NRG1: variants seen among roughly 807,000 people sequenced by gnomAD.
NRG1 encodes the protein pro-neuregulin-1, membrane-bound isoform.
A neutral mutation model predicts 63.8 loss-of-function variants in NRG1; 18 were observed. The ratio of observed to expected loss-of-function variants is 0.28; its 90% CI spans 0.19 to 0.42. The LOEUF is 0.42. Ranked by LOEUF, NRG1 falls within the 10% of genes least tolerant of loss-of-function variation. The probability of loss-of-function intolerance (pLI) is 1.00; values close to 1 mark genes in which losing one functional copy is unlikely to be tolerated. For synonymous variants in NRG1, 302 were observed against 301.3 expected (o/e 1.00, Z -0.02); for missense variants, 762 against 814.7 (o/e 0.94, Z 0.79).
chr8:32,173,403 C>T (rs1055561140), intron 1 of NRG1, among the ~76,000 whole-genome samples: 2 of 152,146 alleles, frequency 1.3e-5, no homozygotes, highest in South Asian at 2.1e-4. Flanking sequence ...ATTGTAAAGA[C>T]CATCAAAGCT....
intron 1 of NRG1, among the ~76,000 whole-genome samples, chr8:32,138,355 G>A (rs1411101255): frequency 1.3e-5 from 2 of 151,790 alleles, no homozygotes; most frequent in East Asian, 3.9e-4. Context: ...CTCAGCATGG[G>A]GTCCTTCAAG....
chr8:32,377,873 G>A (rs970023078), intron 1 of NRG1, among the ~76,000 whole-genome samples: 1 of 152,102 alleles, frequency 6.6e-6, no homozygotes, highest in African/African-American at 2.4e-5. Flanking sequence ...ATTTGTGACT[G>A]GTTTTGATCA....
intron 1 of NRG1, among the ~76,000 whole-genome samples, chr8:31,933,575 C>A (rs1835043350): frequency 6.6e-6 from 1 of 152,150 alleles, no homozygotes; most frequent in South Asian, 2.1e-4. Context: ...AGCCACTGCA[C>A]CCAGCCTATT....
chr8:32,629,993 G>A (rs1681519037), intron 5 of NRG1, among the ~76,000 whole-genome samples: 1 of 152,122 alleles, frequency 6.6e-6, no homozygotes, highest in South Asian at 2.1e-4. Flanking sequence ...GATATTGTTA[G>A]TCCCATTATG....
At chr8:32,682,425 G>T (rs921217115) in intron 5 of NRG1, among the ~76,000 whole-genome samples, 3 of 152,062 alleles carry the variant, frequency 2.0e-5, no homozygotes, top group Non-Finnish European at 4.4e-5. Context: ...AGATTTTATG[G>T]TGCTTAAATA....
chr8:32,559,256 A>AAAAAAAAAAAAAAAAAAAAAT (rs1393676483), intron 1 of NRG1, among the ~76,000 whole-genome samples: 1 of 150,448 alleles, frequency 6.6e-6, no homozygotes, highest in Non-Finnish European at 1.5e-5. Context: ...AAAAAAAAAA[A>AAAAAAAAAAAAAAAAAAAAAT]AAAAAAATCA....
chr8:32,403,299 CAAA>C (rs68127664), intron 1 of NRG1, among the ~76,000 whole-genome samples: 34 of 89,778 alleles, frequency 3.8e-4, no homozygotes, highest in Middle Eastern at 6.0e-3. Flanking sequence ...CACTCTGTCT[CAAA>C]AAAAAAAAAA....
intron 1 of NRG1, among the ~76,000 whole-genome samples, chr8:32,408,867 T>C (rs1814482928): frequency 6.6e-6 from 1 of 152,168 alleles, no homozygotes; most frequent in African/African-American, 2.4e-5. Context: ...ATTACGTAAC[T>C]TGTCATTCCT....
chr8:31,884,457 C>T (rs1830572717), intron 1 of NRG1, among the ~76,000 whole-genome samples: 1 of 152,054 alleles, frequency 6.6e-6, no homozygotes, highest in African/African-American at 2.4e-5. Flanking sequence ...AGAGTAATGG[C>T]TCCTCCTATT....
Position 32,548,865 on chromosome 8 carries a change from C to T in NRG1, c.100+39C>T, listed in dbSNP as rs1833502336. On this transcript the variant is annotated intron_variant, in intron 1 of 11. Coordinates refer to ENST00000356819, the Ensembl canonical transcript of NRG1. The stretch of plus-strand genomic sequence containing the variant: ...GCGGCCCGGGCCCCACGATCCTCCT[C>T]CTGCTCCTCCTACTCCTCCTCCTCC... The T allele has an allele frequency of 9.2e-6, 14 of 1,523,344 alleles. No homozygotes were observed. In the East Asian group the frequency reaches 3.5e-4, roughly 39 times the overall value. 94.4% of individuals were successfully genotyped at this position (1,523,344 alleles called of 1,614,324 possible). A position where few individuals can be genotyped will look rare whatever the true frequency, so the allele number is the denominator to read the frequency against.
chr8:32,177,784 G>A (rs1239643136), intron 1 of NRG1, among the ~76,000 whole-genome samples: 1 of 152,132 alleles, frequency 6.6e-6, no homozygotes, highest in Non-Finnish European at 1.5e-5. Flanking sequence ...TGTTCTATAG[G>A]TGGGCTGATT....
At chr8:32,534,937 A>C (rs1831809954) in intron 1 of NRG1, among the ~76,000 whole-genome samples, 1 of 152,224 alleles carries the variant, frequency 6.6e-6, no homozygotes, top group African/African-American at 2.4e-5. Context: ...TATTTAATAC[A>C]CACTGCAATT....
At chr8:32,075,651 CTT>C (rs200354474) in intron 1 of NRG1, among the ~76,000 whole-genome samples, 2 of 150,286 alleles carry the variant, frequency 1.3e-5, no homozygotes, top group African/African-American at 5.0e-5. Context: ...ATATTTTAAC[CTT>C]TTTTTTTTTT....
At chr8:31,654,216 A>G (rs1250078539) in intron 1 of NRG1, among the ~76,000 whole-genome samples, 10 of 152,194 alleles carry the variant, frequency 6.6e-5, no homozygotes, top group Non-Finnish European at 8.8e-5. Flanking sequence ...AATATCATCC[A>G]CCTACTTCCT....
downstream of NRG1, among the ~76,000 whole-genome samples, chr8:32,770,321 AG>A (rs745381064): frequency 3.3e-5 from 5 of 152,288 alleles, no homozygotes; most frequent in Admixed American, 6.5e-5. Context: ...AGGAAAATTT[AG>A]GCTCAGGAAG....
chr8:31,847,542 G>C (rs1267557788), intron 1 of NRG1, among the ~76,000 whole-genome samples: 1 of 152,174 alleles, frequency 6.6e-6, no homozygotes, highest in South Asian at 2.1e-4. Flanking sequence ...AGCAATAAAA[G>C]AAATGTTTTT....
At chr8:32,198,279 G>A (rs1217707851) in intron 1 of NRG1, among the ~76,000 whole-genome samples, 2 of 151,946 alleles carry the variant, frequency 1.3e-5, no homozygotes, top group Admixed American at 1.3e-4. Context: ...CTGGGTCCTA[G>A]CAATTCTCCT....
chr8:32,021,531 A>G (rs1816441727), intron 1 of NRG1, among the ~76,000 whole-genome samples: 1 of 152,178 alleles, frequency 6.6e-6, no homozygotes, highest in Non-Finnish European at 1.5e-5. Context: ...ACCTCCCAAT[A>G]GGCCCTACCT....
chr8:32,570,321 A>G (rs1384153000), intron 1 of NRG1, among the ~76,000 whole-genome samples: 1 of 152,198 alleles, frequency 6.6e-6, no homozygotes, highest in South Asian at 2.1e-4. Flanking sequence ...TATTCAACAC[A>G]TAATTATTAA....
Sources: gnomAD v4.1 joint callset for allele counts (sites outside exome capture counted in the v4.1 genomes callset) on GRCh38, gnomAD v4.1.1 for gene constraint, MANE v1.5 for transcripts, NCBI Gene and HGNC (gene_info 2026-07-23, HGNC 2026-07-21) for gene names.